The following COP1 variants were observed in gnomAD, a reference collection of about 807,000 sequenced individuals.
COP1 encodes COP1 E3 ubiquitin ligase, also known as E3 ubiquitin-protein ligase COP1.
Under a neutral mutation model 101.3 loss-of-function variants are expected in COP1, and 24 were observed. The ratio of observed to expected loss-of-function variants is 0.24; its 90% CI spans 0.17 to 0.33. COP1 has a LOEUF of 0.33. Ranked by LOEUF, COP1 falls within the 10% of genes least tolerant of loss-of-function variation. The probability of loss-of-function intolerance (pLI) is 1.00; values close to 1 mark genes in which losing one functional copy is unlikely to be tolerated. For synonymous variants in COP1, 347 were observed against 341.9 expected, an observed-to-expected ratio of 1.01 and a Z score of -0.17; for missense variants, 663 against 906.2, an observed-to-expected ratio of 0.73 and a Z score of 3.45.
At chr1:176,094,736 A>T (rs1682023642) in intron 9 of COP1, among the ~76,000 whole-genome samples, 1 of 152,130 alleles carries the variant, frequency 6.6e-6, no homozygotes, top group South Asian at 2.1e-4. Flanking sequence ...TGAAGATAAA[A>T]GAGCAAATTA....
intron 8 of COP1, among the ~76,000 whole-genome samples, chr1:176,118,076 T>C (rs1052843302): frequency 6.6e-6 from 1 of 152,218 alleles, no homozygotes; most frequent in African/African-American, 2.4e-5. Flanking sequence ...CTCTAAGTAG[T>C]ACACAGTTTG....
At chr1:176,159,351 A>C (rs1693943091) in intron 5 of COP1, among the ~76,000 whole-genome samples, 1 of 152,138 alleles carries the variant, frequency 6.6e-6, no homozygotes, top group Non-Finnish European at 1.5e-5. Flanking sequence ...AAACACACAT[A>C]CACACACACA....
chr1:176,076,230 A>C (rs778086387), intron 11 of COP1, among the ~76,000 whole-genome samples: 11 of 152,132 alleles, frequency 7.2e-5, no homozygotes, highest in Non-Finnish European at 1.5e-4. Flanking sequence ...CCATAAAGCA[A>C]GTCTCAATAA....
intron 1 of COP1, among the ~76,000 whole-genome samples, chr1:176,185,609 C>T (rs1222366304): frequency 6.6e-6 from 1 of 152,172 alleles, no homozygotes; most frequent in African/African-American, 2.4e-5. Flanking sequence ...TTCCTTTTAT[C>T]CTTCCCTTTT....
At position 176,074,512 on chromosome 1, in the gene COP1, C is replaced by T. The variant is rs1321048553; in HGVS notation, c.1277+6640G>A. On this transcript the variant is annotated intron_variant, in intron 11 of 19. Transcript: ENST00000367669. ...ATAGAAAAAAAACGAATGTAGCATG[C>T]AAGACGGCCCAACCAGAGGTATCTT... Among the ~76,000 whole-genome samples the T allele has an allele frequency of 2.0e-5, 3 of 152,040 alleles. No homozygotes were observed. The East Asian group carries it at 5.8e-4, about 29-fold the overall frequency.
intron 9 of COP1, among the ~76,000 whole-genome samples, chr1:176,096,573 A>G (rs967112236): frequency 5.3e-5 from 8 of 152,190 alleles, no homozygotes; most frequent in African/African-American, 1.7e-4. Context: ...AAAGGAACCC[A>G]TTTGTATAAG....
chr1:176,207,267 C>T lies in COP1; in HGVS notation c.-289G>A. The T allele has an allele frequency of 5.1e-6, 2 of 388,788 alleles. No individual in the cohort carries two copies. Among genetic ancestry groups the T allele is most frequent in the Non-Finnish European group, 9.1e-6 (2 of 220,018 alleles). 24.1% of individuals were successfully genotyped at this position (388,788 alleles called of 1,614,324 possible). On this transcript the variant is annotated 5_prime_UTR_variant, in exon 1 of 20. Coordinates refer to ENST00000367669, the MANE Select transcript of COP1 (RefSeq NM_022457.7). ...GCCAACCCCGGCGCGCCGTGGCCGG[C>T]CGTGCGCGCGCGCGCGAGCGGCGGA... is the stretch of plus-strand genomic sequence containing the variant.
chr1:175,980,284 T>C (rs922332350), intron 18 of COP1, among the ~76,000 whole-genome samples: 4 of 122,210 alleles, frequency 3.3e-5, no homozygotes, highest in African/African-American at 1.1e-4. Context: ...ACAAATACAA[T>C]ACAAGACAGT....
intron 11 of COP1, among the ~76,000 whole-genome samples, chr1:176,053,408 C>G (rs184937730): frequency 5.8e-4 from 89 of 152,258 alleles, no homozygotes; most frequent in Admixed American, 9.8e-4. Flanking sequence ...CTCTACCAAC[C>G]CACGAGTTCT....
intron 9 of COP1, among the ~76,000 whole-genome samples, chr1:176,086,947 T>C (rs958550916): frequency 3.3e-5 from 5 of 152,028 alleles, no homozygotes; most frequent in African/African-American, 1.2e-4. Context: ...GCCTCAGAAA[T>C]AACACCACAC....
At chr1:176,031,395 T>C (rs1486044620) in intron 14 of COP1, among the ~76,000 whole-genome samples, 4 of 152,272 alleles carry the variant, frequency 2.6e-5, no homozygotes, top group Non-Finnish European at 5.9e-5. Context: ...GGAGACAGTA[T>C]ACAAATTAAT....
intron 6 of COP1, among the ~76,000 whole-genome samples, chr1:176,142,969 T>G (rs1690933894): frequency 6.6e-6 from 1 of 150,728 alleles, no homozygotes; most frequent in African/African-American, 2.4e-5. Flanking sequence ...AACAAAAAAG[T>G]AAAACCAAAG....
intron 18 of COP1, among the ~76,000 whole-genome samples, chr1:175,977,989 A>G (rs1443121861): frequency 6.6e-6 from 1 of 152,160 alleles, no homozygotes; most frequent in Non-Finnish European, 1.5e-5. Flanking sequence ...GATAAACATT[A>G]GAAACCAAAC....
chr1:175,971,814 A>G (rs185415841), intron 18 of COP1, among the ~76,000 whole-genome samples: 15 of 152,320 alleles, frequency 9.8e-5, no homozygotes, highest in Middle Eastern at 3.4e-3. Context: ...GCTACTGAGG[A>G]GACTGATGAG....
At chr1:175,979,368 G>A (rs1655277745) in intron 18 of COP1, among the ~76,000 whole-genome samples, 1 of 151,934 alleles carries the variant, frequency 6.6e-6, no homozygotes, top group Admixed American at 6.6e-5. Flanking sequence ...AGTATTGCAT[G>A]GCTTCTCAAA....
At chr1:175,994,359 A>T (rs1659526887) in intron 15 of COP1, among the ~76,000 whole-genome samples, 1 of 152,244 alleles carries the variant, frequency 6.6e-6, no homozygotes, top group African/African-American at 2.4e-5. Context: ...TAACCAGTTA[A>T]CATCATAATG....
chr1:175,961,418 G>A (rs974741471), intron 18 of COP1, among the ~76,000 whole-genome samples: 8 of 152,020 alleles, frequency 5.3e-5, no homozygotes, highest in South Asian at 2.1e-4. Flanking sequence ...ATCATTATCC[G>A]TCCATTAGGG....
chr1:176,007,218 T>C (rs1301791663), intron 15 of COP1, among the ~76,000 whole-genome samples: 1 of 152,194 alleles, frequency 6.6e-6, no homozygotes. Context: ...CACTTCTCTA[T>C]ATTGGTTATT....
intron 9 of COP1, among the ~76,000 whole-genome samples, chr1:176,096,263 CTCT>C (rs939254851): frequency 6.6e-6 from 1 of 152,142 alleles, no homozygotes; most frequent in Non-Finnish European, 1.5e-5. Flanking sequence ...TATGGCATGC[CTCT>C]TCTTTTTTTT....
Sources: allele counts gnomAD v4.1 joint callset (sites outside exome capture counted in the v4.1 genomes callset), GRCh38; gene constraint gnomAD v4.1.1; transcripts MANE v1.5; gene names NCBI Gene and HGNC (gene_info 2026-07-23, HGNC 2026-07-21).